Variants in WDPCP observed in about 807,000 individuals in gnomAD.
WDPCP encodes WD repeat-containing and planar cell polarity effector protein fritz homolog.
A neutral mutation model predicts 93.1 loss-of-function variants in WDPCP; 71 were observed. That is an observed-to-expected ratio of 0.76 (90% CI 0.63 to 0.93). WDPCP has a LOEUF of 0.93. Among genes scored for constraint, WDPCP ranks in the 40% least tolerant of loss-of-function variants. The probability of loss-of-function intolerance (pLI) is 0.00; values close to 1 mark genes in which losing one functional copy is unlikely to be tolerated. For synonymous variants in WDPCP, 315 were observed against 315.0 expected (o/e 1.00, Z 0.00); for missense variants, 844 against 887.4 (o/e 0.95, Z 0.62).
intron 9 of WDPCP, among the ~76,000 whole-genome samples, chr2:63,407,417 G>T (rs1471573973): frequency 6.6e-6 from 1 of 152,196 alleles, no homozygotes; most frequent in Non-Finnish European, 1.5e-5. Flanking sequence ...ATGAGAGGCT[G>T]TAAGTTCTGA....
chr2:63,821,802 G>A (rs978674706), intron 1 of WDPCP, among the ~76,000 whole-genome samples: 5 of 152,000 alleles, frequency 3.3e-5, no homozygotes, highest in Non-Finnish European at 7.4e-5. Context: ...CTACTCAAAG[G>A]CTTAAAGCTC....
intron 2 of WDPCP, among the ~76,000 whole-genome samples, chr2:63,800,560 C>T (rs547419040): frequency 6.6e-6 from 1 of 152,090 alleles, no homozygotes; most frequent in African/African-American, 2.4e-5. Flanking sequence ...GATTACTGCC[C>T]ATAGCAGATA....
At chr2:63,351,448 C>A (rs1158241998) in intron 12 of WDPCP, among the ~76,000 whole-genome samples, 2 of 151,862 alleles carry the variant, frequency 1.3e-5, no homozygotes, top group Admixed American at 6.6e-5. Context: ...ATCTAGTAGT[C>A]CACAGTGTCT....
At position 63,285,515 on chromosome 2, in the gene WDPCP, G is replaced by C. The variant is rs546255613; in HGVS notation, c.1813-26106C>G. Among the ~76,000 whole-genome samples the C allele has an allele frequency of 7.3e-5, 11 of 151,118 alleles. No individual in the cohort carries two copies. The South Asian group carries it at 2.1e-3, about 29-fold the overall frequency. On this transcript the variant is annotated intron_variant, in intron 13 of 17. Coordinates refer to ENST00000272321, the MANE Select transcript of WDPCP (RefSeq NM_015910.7). ...AAAAAGCAGGAATCAACTACATTTT[G>C]TCTACGGGAGACCCACTTTAAAGAC...
At chr2:63,550,637 C>T (rs1369578001) in intron 1 of WDPCP, among the ~76,000 whole-genome samples, 5 of 151,932 alleles carry the variant, frequency 3.3e-5, no homozygotes, top group Admixed American at 3.3e-4. Flanking sequence ...TCTGCTTCCA[C>T]AGCTTCAATT....
At chr2:63,173,320 T>A (rs554142781) in intron 15 of WDPCP, among the ~76,000 whole-genome samples, 1 of 152,094 alleles carries the variant, frequency 6.6e-6, no homozygotes, top group African/African-American at 2.4e-5. Flanking sequence ...AGCCCCTCTT[T>A]GTTTTTCTCA....
chr2:63,164,196 G>T (rs1301461068), intron 15 of WDPCP, among the ~76,000 whole-genome samples: 1 of 152,108 alleles, frequency 6.6e-6, no homozygotes, highest in Non-Finnish European at 1.5e-5. Context: ...CTAGTTTAGG[G>T]CTGTACCTAA....
chr2:63,588,672 T>C, upstream of WDPCP: 1 of 469,022 alleles, frequency 2.1e-6, no homozygotes, highest in South Asian at 2.2e-5. Context: ...ACGCTATCTC[T>C]CCCGCCAATT....
intron 1 of WDPCP, among the ~76,000 whole-genome samples, chr2:63,578,417 T>C (rs1229201315): frequency 6.6e-6 from 1 of 152,204 alleles, no homozygotes; most frequent in Non-Finnish European, 1.5e-5. Context: ...CAATTATATC[T>C]ATAGTAGCAA....
rs367974849 is a variant in WDPCP at position 63,555,138 on chromosome 2, A to AT, written c.75+33058dup. Among the ~76,000 whole-genome samples, 473 of 152,170 alleles carry AT rather than the reference A, an allele frequency of 3.1e-3. 4 individuals carry two copies. Among genetic ancestry groups the AT allele is most frequent in the African/African-American group, 0.011 (439 of 41,540 alleles). On this transcript the variant is annotated intron_variant, in intron 1 of 17. Coordinates refer to ENST00000272321, the MANE Select transcript of WDPCP (RefSeq NM_015910.7). ...GCCATCATTGCAGCTCTGGTCTGCT[A>AT]TTTTTCCCCTGCCAGTGCCAAGGAG...
intron 2 of WDPCP, among the ~76,000 whole-genome samples, chr2:63,768,314 C>T (rs1670176067): frequency 6.7e-6 from 1 of 149,380 alleles, no homozygotes. Flanking sequence ...TTAAGTCAGA[C>T]AGTATAAGTG....
At chr2:63,306,788 C>G (rs956889904) in intron 13 of WDPCP, among the ~76,000 whole-genome samples, 3 of 152,156 alleles carry the variant, frequency 2.0e-5, no homozygotes, top group African/African-American at 7.2e-5. Flanking sequence ...CAGTATCATA[C>G]TGAATGGGCA....
chr2:63,373,254 G>GTTTTTT, intron 12 of WDPCP, among the ~76,000 whole-genome samples: 1 of 143,494 alleles, frequency 7.0e-6, no homozygotes, highest in Non-Finnish European at 1.5e-5. Context: ...TTTTTTTGTT[G>GTTTTTT]TTTTTTTTTT....
At chr2:63,494,658 T>C (rs897197872) in intron 1 of WDPCP, among the ~76,000 whole-genome samples, 6 of 151,714 alleles carry the variant, frequency 4.0e-5, no homozygotes, top group South Asian at 2.1e-4. Context: ...CGGTGGCTCA[T>C]GCCTGTAATC....
At chr2:63,451,677 C>G (rs1245614342) in intron 6 of WDPCP, among the ~76,000 whole-genome samples, 2 of 152,184 alleles carry the variant, frequency 1.3e-5, no homozygotes, top group Non-Finnish European at 2.9e-5. Flanking sequence ...CTGATGAACA[C>G]TGATGCAAAA....
chr2:63,747,661 G>A (rs139935814), intron 2 of WDPCP, among the ~76,000 whole-genome samples: 2,584 of 151,978 alleles, frequency 0.017, 24 homozygotes, highest in African/African-American at 0.019. Flanking sequence ...CACTAATACT[G>A]TACTATCTTA....
intron 3 of WDPCP, among the ~76,000 whole-genome samples, chr2:63,635,577 C>A (rs1179501902): frequency 6.6e-6 from 1 of 152,094 alleles, no homozygotes; most frequent in African/African-American, 2.4e-5. Flanking sequence ...AAAGATGATA[C>A]ACCAGATTAA....
At chr2:63,410,269 A>T (rs1461266069) in intron 9 of WDPCP, among the ~76,000 whole-genome samples, 1 of 152,222 alleles carries the variant, frequency 6.6e-6, no homozygotes, top group Non-Finnish European at 1.5e-5. Context: ...ATTGAAACTA[A>T]GTATCATATG....
chr2:63,552,167 A>C (rs1461594016), intron 1 of WDPCP, among the ~76,000 whole-genome samples: 1 of 147,110 alleles, frequency 6.8e-6, no homozygotes, highest in East Asian at 2.0e-4. Flanking sequence ...TACCCAAAAA[A>C]AGTTGTGAAA....
Sources: allele counts gnomAD v4.1 joint callset (sites outside exome capture counted in the v4.1 genomes callset), GRCh38; gene constraint gnomAD v4.1.1; transcripts MANE v1.5; gene names NCBI Gene and HGNC (gene_info 2026-07-23, HGNC 2026-07-21).